NRG1: variants seen among roughly 807,000 people sequenced by gnomAD.
NRG1 encodes the protein neuregulin 1, also known as pro-neuregulin-1, membrane-bound isoform.
Under a neutral mutation model 63.8 loss-of-function variants are expected in NRG1, and 18 were observed. That is an observed-to-expected ratio of 0.28 (90% confidence interval 0.19 to 0.42). The LOEUF (loss-of-function observed/expected upper bound fraction) is 0.42. Among genes scored for constraint, NRG1 ranks in the 10% least tolerant of loss-of-function variants. The pLI is 1.00. For synonymous variants in NRG1, 302 were observed against 301.3 expected, an observed-to-expected ratio of 1.00 and a Z score of -0.02; for missense variants, 762 against 814.7, an observed-to-expected ratio of 0.94 and a Z score of 0.79.
At chr8:31,732,357 T>C (rs1318164287) in intron 1 of NRG1, among the ~76,000 whole-genome samples, 2 of 152,310 alleles carry the variant, frequency 1.3e-5, no homozygotes, top group Admixed American at 6.5e-5. Context: ...ACAGCTTCAA[T>C]GCCTAAGATA....
At chr8:31,671,302 C>T (rs748611259) in intron 1 of NRG1, among the ~76,000 whole-genome samples, 76 of 152,210 alleles carry the variant, frequency 5.0e-4, no homozygotes, top group Non-Finnish European at 1.6e-4. Flanking sequence ...TGAGAGAAGA[C>T]GACAGGCTAC....
intron 1 of NRG1, among the ~76,000 whole-genome samples, chr8:32,178,389 C>T (rs895769523): frequency 3.9e-5 from 6 of 152,288 alleles, no homozygotes; most frequent in Admixed American, 2.6e-4. Flanking sequence ...GCAGGCAGAT[C>T]ACTTGAGGTT....
chr8:31,708,182 A>G (rs1045117068), intron 1 of NRG1, among the ~76,000 whole-genome samples: 3 of 152,182 alleles, frequency 2.0e-5, no homozygotes, highest in Admixed American at 1.3e-4. Context: ...CTAGTGATTC[A>G]TGTGTGCCCA....
chr8:31,704,857 C>A (rs1051975884), intron 1 of NRG1, among the ~76,000 whole-genome samples: 6 of 148,604 alleles, frequency 4.0e-5, no homozygotes, highest in Non-Finnish European at 1.5e-5. Flanking sequence ...AAAGAAATTA[C>A]TTACTATGAT....
intron 1 of NRG1, among the ~76,000 whole-genome samples, chr8:32,323,292 A>G (rs1216518503): frequency 6.6e-6 from 1 of 152,156 alleles, no homozygotes; most frequent in Non-Finnish European, 1.5e-5. Flanking sequence ...ATTCTTAGTT[A>G]TGTGCATTTT....
intron 1 of NRG1, among the ~76,000 whole-genome samples, chr8:32,470,211 C>T (rs1400645179): frequency 3.2e-5 from 4 of 125,380 alleles, no homozygotes; most frequent in African/African-American, 6.1e-5. Flanking sequence ...CACAGAGTCT[C>T]GCTCTGTTGC....
chr8:31,811,190 A>T (rs1401497981), intron 1 of NRG1, among the ~76,000 whole-genome samples: 1 of 152,152 alleles, frequency 6.6e-6, no homozygotes, highest in East Asian at 1.9e-4. Context: ...TTTCATAATT[A>T]TCCTGGTTAC....
chr8:32,392,625 G>C (rs1811920036), intron 1 of NRG1, among the ~76,000 whole-genome samples: 1 of 152,052 alleles, frequency 6.6e-6, no homozygotes, highest in Non-Finnish European at 1.5e-5. Flanking sequence ...GATTCCTAGT[G>C]TTATTTCTGT....
chr8:32,306,939 TC>T (rs773679849), intron 1 of NRG1, among the ~76,000 whole-genome samples: 11 of 152,208 alleles, frequency 7.2e-5, no homozygotes, highest in Non-Finnish European at 1.6e-4. Flanking sequence ...GAAATTTTAA[TC>T]CCTAGCAGGT....
chr8:31,958,941 C>A (rs1300001894), intron 1 of NRG1, among the ~76,000 whole-genome samples: 1 of 152,136 alleles, frequency 6.6e-6, no homozygotes, highest in Non-Finnish European at 1.5e-5. Context: ...AACAGGATTT[C>A]AAGTCAGGAG....
chr8:32,048,326 T>C (rs1197143861), intron 1 of NRG1, among the ~76,000 whole-genome samples: 1 of 149,350 alleles, frequency 6.7e-6, no homozygotes, highest in African/African-American at 2.5e-5. Context: ...TGTATATACA[T>C]ATGTACATGT....
At chr8:32,356,474 A>ACCCCCCCCCCCCCCCCCCCCCCCCCC (rs11426642) in intron 1 of NRG1, among the ~76,000 whole-genome samples, 1 of 69,324 alleles carries the variant, frequency 1.4e-5, no homozygotes, top group African/African-American at 5.9e-5. Context: ...CCTTGTTGGG[A>ACCCCCCCCCCCCCCCCCCCCCCCCCC]CCCCCCCCCC....
At chr8:32,536,338 T>C (rs2129519502) in intron 1 of NRG1, among the ~76,000 whole-genome samples, 1 of 152,312 alleles carries the variant, frequency 6.6e-6, no homozygotes, top group South Asian at 2.1e-4. Context: ...TCTCAGACGC[T>C]GCCCTCAGGT....
At chr8:31,976,187 ATTG>A (rs1265864986) in intron 1 of NRG1, among the ~76,000 whole-genome samples, 3 of 152,178 alleles carry the variant, frequency 2.0e-5, no homozygotes, top group African/African-American at 7.2e-5. Context: ...GCCAATTACC[ATTG>A]TTTGGTAAAA....
In NRG1 at chr8:31,851,295, T is replaced by C. The variant is rs369507184; in HGVS notation, c.37+211864T>C. Among the ~76,000 whole-genome samples, 13 of 152,302 alleles carry C rather than the reference T, an allele frequency of 8.5e-5. No individual in the cohort carries two copies. The East Asian group carries it at 1.9e-3, about 23-fold the overall frequency. On this transcript the variant is annotated intron_variant, in intron 1 of 10. Transcript: ENST00000519301. ...AGTAGCAAAAGGAAATATTTATGCA[T>C]GTCTTTGGGAAAATGTCTTTCCATT...
At chr8:32,059,770 C>T (rs1039799949) in intron 1 of NRG1, among the ~76,000 whole-genome samples, 1 of 151,912 alleles carries the variant, frequency 6.6e-6, no homozygotes, top group Non-Finnish European at 1.5e-5. Flanking sequence ...CTCAAGGAAA[C>T]TTCTTGGTTT....
intron 1 of NRG1, among the ~76,000 whole-genome samples, chr8:32,510,967 T>TC (rs1476271563): frequency 6.6e-6 from 1 of 150,618 alleles, no homozygotes; most frequent in African/African-American, 2.4e-5. Context: ...TTTTTTTTTT[T>TC]TTTTCTGAAG....
At chr8:31,900,441 G>A (rs1831976083) in intron 1 of NRG1, among the ~76,000 whole-genome samples, 1 of 152,096 alleles carries the variant, frequency 6.6e-6, no homozygotes, top group South Asian at 2.1e-4. Context: ...TAATCTCCTA[G>A]GGAAGGCTTC....
At chr8:32,211,748 A>G (rs766091046) in intron 1 of NRG1, among the ~76,000 whole-genome samples, 14 of 152,148 alleles carry the variant, frequency 9.2e-5, no homozygotes, top group Non-Finnish European at 2.1e-4. Context: ...ATCCTTGATT[A>G]TAGTTTCTTC....
Sources: allele counts gnomAD v4.1 joint callset (sites outside exome capture counted in the v4.1 genomes callset), GRCh38; gene constraint gnomAD v4.1.1; transcripts MANE v1.5; gene names NCBI Gene and HGNC (gene_info 2026-07-23, HGNC 2026-07-21).